The following SPIRE1 variants were observed in gnomAD, a reference collection of about 807,000 sequenced individuals.
SPIRE1 encodes the protein protein spire homolog 1.
A neutral mutation model predicts 94.1 loss-of-function variants in SPIRE1; 40 were observed. The ratio of observed to expected loss-of-function variants is 0.43; its 90% CI spans 0.33 to 0.55. The LOEUF (loss-of-function observed/expected upper bound fraction) is 0.55, where lower values mean the gene tolerates loss of function less well. Among genes scored for constraint, SPIRE1 ranks in the 20% least tolerant of loss-of-function variants. The pLI is 0.06. For synonymous variants in SPIRE1, 376 were observed against 371.7 expected, an observed-to-expected ratio of 1.01 and a Z score of -0.13; for missense variants, 838 against 975.2, an observed-to-expected ratio of 0.86 and a Z score of 1.87.
At chr18:12,657,341 C>T (rs2038574721) in intron 1 of SPIRE1, among the ~76,000 whole-genome samples, 189 bp downstream of exon 1, 1 of 127,338 alleles carries the variant, frequency 7.9e-6, no homozygotes, top group African/African-American at 2.5e-5. Flanking sequence ...CTCTGACCTC[C>T]GAGGGGCCCC....
At chr18:12,596,497 A>G (rs962140778) in intron 2 of SPIRE1, among the ~76,000 whole-genome samples, 8 of 152,056 alleles carry the variant, frequency 5.3e-5, no homozygotes, top group Non-Finnish European at 8.8e-5. Context: ...ATGAAAAAAT[A>G]TTTTTTCCCA....
Position 12,538,889 on chromosome 18 carries a change from C to A in SPIRE1, c.604-3288G>T, listed in dbSNP as rs77143241. 2.6e-5 allele frequency among the ~76,000 whole-genome samples: 4 copies of A among 152,256 alleles called. No individual in the cohort carries two copies. In the East Asian group the frequency reaches 7.7e-4, roughly 29 times the overall value. On this transcript the variant is annotated intron_variant, in intron 3 of 16. Transcript: ENST00000409402. ...CAGTAAGTCTTGTTGTTTCTACCTT[C>A]AAAATATACCACCTGACAGTTCTCT...
Position 12,621,313 on chromosome 18 carries a change from A to G in SPIRE1, c.372+13749T>C, listed in dbSNP as rs1256891539. 2.0e-5 allele frequency among the ~76,000 whole-genome samples: 3 copies of G among 152,210 alleles called. No homozygotes were observed. The East Asian group carries it at 5.8e-4, about 29-fold the overall frequency. Reference sequence around the variant, plus strand: ...GAGTTACTTTGAGAAACAGTTTGGAAGCTCTCAAAAAGTTAAAATATAGAG... The same window carrying G: ...GAGTTACTTTGAGAAACAGTTTGGAGGCTCTCAAAAAGTTAAAATATAGAG... On this transcript the variant is annotated intron_variant, in intron 2 of 16. Transcript: ENST00000409402.
chr18:12,626,037 G>GCC (rs2037613394), intron 2 of SPIRE1, among the ~76,000 whole-genome samples: 1 of 96,982 alleles, frequency 1.0e-5, no homozygotes, highest in African/African-American at 3.1e-5. Flanking sequence ...TCCCCACACC[G>GCC]CCCCGCCCCC....
chr18:12,601,177 C>T (rs9710023), intron 2 of SPIRE1, among the ~76,000 whole-genome samples: 58,990 of 151,518 alleles, frequency 0.39, 12,187 homozygotes, highest in East Asian at 0.59. Flanking sequence ...TCCCAGCACT[C>T]TGGGAGGCCG....
In SPIRE1 at chr18:12,560,127, A is replaced by G. The variant is rs200733573; in HGVS notation, c.373-13223T>C. ...TATGGAGAAAAGGGAACCCTTGTAC[A>G]CTGCTGGTGGGAAAGTAAATTAGTA... On this transcript the variant is annotated intron_variant, in intron 2 of 16. Transcript: ENST00000409402. 1.1e-4 allele frequency among the ~76,000 whole-genome samples: 17 copies of G among 152,348 alleles called. No homozygotes were observed. In the East Asian group the frequency reaches 3.3e-3, roughly 29 times the overall value.
chr18:12,637,772 T>C (rs1188533729), intron 1 of SPIRE1, among the ~76,000 whole-genome samples: 3 of 152,194 alleles, frequency 2.0e-5, no homozygotes, highest in African/African-American at 7.2e-5. Context: ...ACAGGGAAAT[T>C]ACAAGGTAAG....
At chr18:12,633,910 C>G (rs11662531) in intron 2 of SPIRE1, among the ~76,000 whole-genome samples, 2 of 151,966 alleles carry the variant, frequency 1.3e-5, no homozygotes, top group Admixed American at 6.6e-5. Flanking sequence ...CACATAGAAA[C>G]CCCTTAAATT....
chr18:12,563,235 T>C (rs764595960), intron 2 of SPIRE1, among the ~76,000 whole-genome samples: 131 of 151,968 alleles, frequency 8.6e-4, no homozygotes, highest in Non-Finnish European at 1.0e-3. Flanking sequence ...GTTCTAGGTA[T>C]ATGGTGTTGA....
rs781248714 is a variant in SPIRE1, at chr18:12,485,987, A to T, written c.1203T>A (p.Leu401=). The T allele has an allele frequency of 6.6e-7, 1 of 1,523,788 alleles. No individual in the cohort carries two copies. The highest frequency in any genetic ancestry group is 8.8e-7 in the Non-Finnish European group (1 of 1,139,732). 94.4% of individuals were successfully genotyped at this position (1,523,788 alleles called of 1,614,324 possible). A position where few individuals can be genotyped will look rare whatever the true frequency, so the allele number is the denominator to read the frequency against. ...ACAAGTCAAAACTGTAAGACATGCT[A>T]AGTGGCCGCATTGCTGAAAAAAAGA... ...IRRSRLAMRP[L]SMSYSFDLSD... Residue 401 remains leucine (L), a synonymous_variant, in exon 9 of 17, where the codon CTT becomes CTA. Transcript: ENST00000409402.
chr18:12,450,858 A>G lies in SPIRE1; in HGVS notation c.2013-962T>C, dbSNP rs1212161500. On this transcript the variant is annotated intron_variant, in intron 16 of 16. Transcript: ENST00000409402. ...CGGAATAACTTAAATGACAGTGAAA[A>G]GCAGCCTTACACCACTAAGGCGGCA... 1.4e-5 allele frequency: 10 copies of G among 736,432 alleles called. No individual in the cohort carries two copies. In the East Asian group the frequency reaches 2.5e-4, roughly 19 times the overall value. 45.6% of individuals were successfully genotyped at this position (736,432 alleles called of 1,614,324 possible). A position where few individuals can be genotyped will look rare whatever the true frequency, so the allele number is the denominator to read the frequency against.
intron 3 of SPIRE1, among the ~76,000 whole-genome samples, chr18:12,537,700 AT>A (rs1217086602): frequency 6.6e-6 from 1 of 152,224 alleles, no homozygotes; most frequent in Non-Finnish European, 1.5e-5. Context: ...AATCAGTTGT[AT>A]TTCTACACAT....
At chr18:12,656,274 CTAAGAT>C (rs1307168885) in intron 1 of SPIRE1, among the ~76,000 whole-genome samples, 3 of 152,050 alleles carry the variant, frequency 2.0e-5, no homozygotes, top group East Asian at 3.8e-4. Flanking sequence ...GTATTTCCCA[CTAAGAT>C]TAAGTCCAAG....
intron 2 of SPIRE1, among the ~76,000 whole-genome samples, chr18:12,608,090 G>A (rs1401054786): frequency 1.3e-5 from 2 of 151,436 alleles, no homozygotes; most frequent in African/African-American, 4.9e-5. Context: ...CTCGGGTGGC[G>A]GAGCTTGCAG....
intron 2 of SPIRE1, among the ~76,000 whole-genome samples, chr18:12,617,839 AACC>A (rs1228545438): frequency 6.6e-6 from 1 of 152,140 alleles, no homozygotes; most frequent in Non-Finnish European, 1.5e-5. Flanking sequence ...TCCAGACATG[AACC>A]ACCATGTCTG....
intron 2 of SPIRE1, among the ~76,000 whole-genome samples, chr18:12,598,589 C>CCTT (rs1283084269): frequency 2.0e-5 from 3 of 152,048 alleles, no homozygotes; most frequent in African/African-American, 7.2e-5. Context: ...TCTAACAGGT[C>CCTT]CTTACCTTTG....
At chr18:12,469,831 G>A (rs2032280585) in intron 10 of SPIRE1, among the ~76,000 whole-genome samples, 1 of 149,372 alleles carries the variant, frequency 6.7e-6, no homozygotes, top group South Asian at 2.1e-4. Flanking sequence ...AAGCACATTT[G>A]GAGTACTAGA....
intron 9 of SPIRE1, among the ~76,000 whole-genome samples, chr18:12,483,320 TTTTAC>T (rs1172165593): frequency 1.3e-5 from 2 of 152,186 alleles, no homozygotes; most frequent in African/African-American, 4.8e-5. Context: ...AAATTATCAT[TTTTAC>T]TTTAATGTAT....
chr18:12,470,357 A>G (rs1005430658), intron 10 of SPIRE1, among the ~76,000 whole-genome samples: 1 of 152,198 alleles, frequency 6.6e-6, no homozygotes, highest in Non-Finnish European at 1.5e-5. Flanking sequence ...CATACAATAT[A>G]CTGAAATGTT....
Sources: gnomAD v4.1 joint callset for allele counts (sites outside exome capture counted in the v4.1 genomes callset) on GRCh38, gnomAD v4.1.1 for gene constraint, MANE v1.5 for transcripts, NCBI Gene and HGNC (gene_info 2026-07-23, HGNC 2026-07-21) for gene names.